AIG1: variants seen among roughly 807,000 people sequenced by gnomAD.
The protein encoded by AIG1 is androgen induced 1, also known as androgen-induced gene 1 protein.
AIG1 carries 23 observed loss-of-function variants against 31.4 expected under a neutral mutation model. The ratio of observed to expected loss-of-function variants is 0.73; its 90% CI spans 0.53 to 1.04. AIG1 has a LOEUF of 1.04. AIG1 is among the 50% of genes least tolerant of loss of function. AIG1 has a pLI of 0.00. For synonymous variants in AIG1, 100 were observed against 110.5 expected (o/e 0.90, Z 0.60); for missense variants, 274 against 295.0 (o/e 0.93, Z 0.52).
chr6:143,339,621 C>T lies in AIG1; in HGVS notation c.680-18C>T. The T allele has an allele frequency of 6.2e-7, 1 of 1,612,140 alleles. No homozygotes were observed. The highest frequency in any genetic ancestry group is 8.5e-7 in the Non-Finnish European group (1 of 1,179,076). ...TTTAATCTGATGCTCAAATAAAACACTTTGCCTGTATTTCTAGGTATGGAA... is the reference window on the plus strand; with the variant it reads ...TTTAATCTGATGCTCAAATAAAACATTTTGCCTGTATTTCTAGGTATGGAA... On this transcript the variant is annotated intron_variant, in intron 5 of 5. Coordinates refer to ENST00000357847, the MANE Select transcript of AIG1 (RefSeq NM_016108.4).
intron 3 of AIG1, among the ~76,000 whole-genome samples, chr6:143,224,269 T>G (rs115375194): frequency 0.017 from 2,550 of 152,224 alleles, 39 homozygotes; most frequent in South Asian, 0.051. Flanking sequence ...TCTTTTACCC[T>G]CCCTTTCCTC....
At chr6:143,121,934 T>A (rs1782277091) in intron 1 of AIG1, among the ~76,000 whole-genome samples, 1 of 152,230 alleles carries the variant, frequency 6.6e-6, no homozygotes, top group African/African-American at 2.4e-5. Flanking sequence ...ATATACTTCC[T>A]GATTTCTAAC....
intron 3 of AIG1, among the ~76,000 whole-genome samples, chr6:143,220,020 C>T (rs1283789093): frequency 1.3e-5 from 2 of 152,164 alleles, no homozygotes; most frequent in South Asian, 2.1e-4. Flanking sequence ...CACCTTACCT[C>T]GAATTCTCAC....
chr6:143,260,110 G>A (rs1314879647), intron 3 of AIG1, among the ~76,000 whole-genome samples: 1 of 136,746 alleles, frequency 7.3e-6, no homozygotes, highest in Non-Finnish European at 1.5e-5. Flanking sequence ...TGCAAGCTCC[G>A]CCTCCTGGAT....
chr6:143,199,056 C>T (rs1055374327), intron 3 of AIG1, among the ~76,000 whole-genome samples: 5 of 152,108 alleles, frequency 3.3e-5, no homozygotes, highest in African/African-American at 1.2e-4. Flanking sequence ...TGAAGGTCTC[C>T]TTTCTCCTTA....
At chr6:143,130,114 A>G (rs1394039526) in intron 1 of AIG1, among the ~76,000 whole-genome samples, 1 of 151,800 alleles carries the variant, frequency 6.6e-6, no homozygotes, top group African/African-American at 2.4e-5. Context: ...CACTTTTAAT[A>G]GAGATGGGGG....
At chr6:143,126,568 A>G (rs1251132817) in intron 1 of AIG1, among the ~76,000 whole-genome samples, 2 of 152,198 alleles carry the variant, frequency 1.3e-5, no homozygotes, top group African/African-American at 2.4e-5. Context: ...TAGAACTGCT[A>G]TTTTATGGCT....
rs1798556551 is a variant in AIG1 at position 143,298,012 on chromosome 6, A to G, written c.515+13787A>G. On this transcript the variant is annotated intron_variant, in intron 4 of 5. Transcript: ENST00000357847. The surrounding 1 kb of genome is among the most constrained non-coding windows in gnomAD (Gnocchi z 5.1). ...ATGATGCATAAATTTACAGGTAAAA[A>G]TACAAATCATTTTGCAACTAGAATG... 6.6e-6 allele frequency among the ~76,000 whole-genome samples: 1 copy of G among 152,196 alleles called. No homozygotes were observed. Among genetic ancestry groups the G allele is most frequent in the Non-Finnish European group, 1.5e-5 (1 of 68,040 alleles).
intron 1 of AIG1, among the ~76,000 whole-genome samples, chr6:143,062,435 C>G (rs1009204739): frequency 6.6e-6 from 1 of 152,134 alleles, no homozygotes; most frequent in African/African-American, 2.4e-5. Flanking sequence ...GTGAGGAGCC[C>G]GTGACAAGAC....
At chr6:143,154,980 T>C (rs1488804088) in intron 2 of AIG1, among the ~76,000 whole-genome samples, 1 of 151,772 alleles carries the variant, frequency 6.6e-6, no homozygotes, top group Non-Finnish European at 1.5e-5. Context: ...CCTGAATAGC[T>C]GAGATTTCAG....
chr6:143,330,500 T>A lies in AIG1; in HGVS notation c.516-2782T>A, dbSNP rs1166087136. On this transcript the variant is annotated intron_variant, in intron 4 of 5. Coordinates refer to ENST00000357847, the MANE Select transcript of AIG1 (RefSeq NM_016108.4). The surrounding 1 kb of genome is among the most constrained non-coding windows in gnomAD (Gnocchi z 4.4). ...AGAGTGTTCGAGGAACACCAAGGAG[T>A]TGATGGGCTGGAGTGGCGGGGAACG... Among the ~76,000 whole-genome samples, 1 of 151,536 alleles carries A rather than the reference T, an allele frequency of 6.6e-6. No individual in the cohort carries two copies. The highest frequency in any genetic ancestry group is 1.9e-4 in the East Asian group (1 of 5,162).
chr6:143,290,330 G>T (rs1412668501), intron 4 of AIG1, among the ~76,000 whole-genome samples: 1 of 152,214 alleles, frequency 6.6e-6, no homozygotes, highest in Non-Finnish European at 1.5e-5. Context: ...CTTTGACCTG[G>T]TGTGTTATGT....
intron 3 of AIG1, among the ~76,000 whole-genome samples, chr6:143,235,219 C>A (rs1326879342): frequency 6.6e-6 from 1 of 151,996 alleles, no homozygotes; most frequent in African/African-American, 2.4e-5. Flanking sequence ...ACTCAGAAGA[C>A]AGGATTTTTC....
At chr6:143,335,856 C>T (rs1045674549) in intron 5 of AIG1, among the ~76,000 whole-genome samples, 16 of 148,340 alleles carry the variant, frequency 1.1e-4, no homozygotes, top group South Asian at 8.5e-4. Flanking sequence ...GGCTAAGGCA[C>T]GAGAATCGCT....
chr6:143,301,118 A>G (rs1302215113), intron 4 of AIG1, among the ~76,000 whole-genome samples: 1 of 152,226 alleles, frequency 6.6e-6, no homozygotes, highest in Non-Finnish European at 1.5e-5. Context: ...GGAGATGGCC[A>G]TAAGTTGACT....
intron 1 of AIG1, among the ~76,000 whole-genome samples, chr6:143,106,277 CCA>C (rs1285059383): frequency 6.6e-6 from 1 of 152,180 alleles, no homozygotes; most frequent in Non-Finnish European, 1.5e-5. Context: ...TGCCAGCAAA[CCA>C]CCAGAGAAAA....
intron 4 of AIG1, among the ~76,000 whole-genome samples, chr6:143,302,198 AT>A (rs1049742984): frequency 1.3e-5 from 2 of 149,490 alleles, no homozygotes; most frequent in African/African-American, 2.5e-5. Context: ...TTTATTTTTT[AT>A]TTTTTTCTTT....
chr6:143,238,721 AC>A (rs1228542117), intron 3 of AIG1, among the ~76,000 whole-genome samples: 1 of 152,252 alleles, frequency 6.6e-6, no homozygotes, highest in Non-Finnish European at 1.5e-5. Flanking sequence ...GTTTGAAGGA[AC>A]TGTAATGAGT....
chr6:143,237,370 A>G (rs555347646), intron 3 of AIG1, among the ~76,000 whole-genome samples: 2 of 152,334 alleles, frequency 1.3e-5, no homozygotes, highest in East Asian at 1.9e-4. Context: ...CATGAAGCTT[A>G]TAATGTAGTT....
Sources: allele counts gnomAD v4.1 joint callset (sites outside exome capture counted in the v4.1 genomes callset), GRCh38; gene constraint gnomAD v4.1.1; non-coding constraint Gnocchi (gnomAD v3.1); transcripts MANE v1.5; gene names NCBI Gene and HGNC (gene_info 2026-07-23, HGNC 2026-07-21).